Variants in MIR2052HG observed in about 807,000 individuals in gnomAD.
MIR2052HG encodes MIR2052 host gene.
intron 2 of MIR2052HG, among the ~76,000 whole-genome samples, chr8:74,674,136 T>G (rs908332027): frequency 1.9e-4 from 27 of 145,432 alleles, no homozygotes; most frequent in East Asian, 6.2e-4. Flanking sequence ...CCAGAGGTTT[T>G]TGTGTGTGTG....
At chr8:74,716,166 A>G (rs1279179292) in intron 4 of MIR2052HG, among the ~76,000 whole-genome samples, 3 of 152,158 alleles carry the variant, frequency 2.0e-5, no homozygotes, top group African/African-American at 4.8e-5. Flanking sequence ...CCACCTGAAC[A>G]GTGAGGAAGC....
chr8:74,719,099 CGT>C (rs1809549120), intron 4 of MIR2052HG, among the ~76,000 whole-genome samples: 1 of 146,714 alleles, frequency 6.8e-6, no homozygotes, highest in African/African-American at 2.5e-5. Flanking sequence ...TTTCTGTGCA[CGT>C]AGAAAATACT....
At chr8:74,733,143 C>T (rs990669899) in intron 4 of MIR2052HG, among the ~76,000 whole-genome samples, 10 of 151,798 alleles carry the variant, frequency 6.6e-5, no homozygotes. Flanking sequence ...AGGTTAGTTA[C>T]ATATGTATAC....
intron 5 of MIR2052HG, chr8:74,756,837 C>T (rs1383782532): frequency 1.3e-5 from 2 of 152,338 alleles, no homozygotes; most frequent in Middle Eastern, 6.8e-3. Context: ...CCAACCCCAG[C>T]ACCTAGTATA....
chr8:74,654,061 C>A (rs1355181104), intron 2 of MIR2052HG, among the ~76,000 whole-genome samples: 1 of 152,160 alleles, frequency 6.6e-6, no homozygotes. Flanking sequence ...AAATTGTAGA[C>A]ACCCCTACCT....
At chr8:74,602,873 C>CTTTCTTTCTTTCTTTTTT (rs940052573) in intron 1 of MIR2052HG, among the ~76,000 whole-genome samples, 1 of 138,694 alleles carries the variant, frequency 7.2e-6, no homozygotes, top group African/African-American at 2.7e-5. Context: ...TTCTTTCTTT[C>CTTTCTTTCTTTCTTTTTT]TTTTTTCTAT....
At chr8:74,725,369 T>A (rs1467632647) in intron 4 of MIR2052HG, among the ~76,000 whole-genome samples, 1 of 152,196 alleles carries the variant, frequency 6.6e-6, no homozygotes, top group African/African-American at 2.4e-5. Flanking sequence ...TTCTGTAACC[T>A]GCAACCTTGT....
chr8:74,723,372 A>G (rs1042763669), intron 4 of MIR2052HG, among the ~76,000 whole-genome samples: 2 of 152,224 alleles, frequency 1.3e-5, no homozygotes, highest in Non-Finnish European at 2.9e-5. Context: ...ATTACAACAC[A>G]TAAACACCTT....
chr8:74,715,729 T>C (rs948165055), intron 4 of MIR2052HG, among the ~76,000 whole-genome samples: 1 of 152,154 alleles, frequency 6.6e-6, no homozygotes, highest in Non-Finnish European at 1.5e-5. Context: ...CAGGAACAAA[T>C]AGAGCCCCAT....
chr8:74,607,464 T>G (rs569084297), intron 1 of MIR2052HG, among the ~76,000 whole-genome samples: 101 of 152,086 alleles, frequency 6.6e-4, no homozygotes, highest in African/African-American at 2.2e-3. Context: ...ATACAAAAAT[T>G]AGCCGGGCGT....
chr8:74,621,641 C>T (rs1563515075), intron 2 of MIR2052HG, among the ~76,000 whole-genome samples: 1 of 152,130 alleles, frequency 6.6e-6, no homozygotes, highest in African/African-American at 2.4e-5. Context: ...GAAACAGCCA[C>T]AATGATTCAA....
At chr8:74,619,925 A>G (rs911125203) in intron 2 of MIR2052HG, among the ~76,000 whole-genome samples, 2 of 152,202 alleles carry the variant, frequency 1.3e-5, no homozygotes, top group African/African-American at 2.4e-5. Flanking sequence ...CCAAAGTCTC[A>G]TCTGAGACAG....
At chr8:74,707,557 C>A (rs750339227) in intron 4 of MIR2052HG, among the ~76,000 whole-genome samples, 18 of 152,004 alleles carry the variant, frequency 1.2e-4, no homozygotes, top group Non-Finnish European at 2.6e-4. Context: ...TGATAGTATG[C>A]AACTCTTTGT....
chr8:74,670,493 C>G (rs1253338154), intron 2 of MIR2052HG, among the ~76,000 whole-genome samples: 1 of 151,972 alleles, frequency 6.6e-6, no homozygotes, highest in Non-Finnish European at 1.5e-5. Context: ...TACTTGAGAC[C>G]TAAAATAACG....
At chr8:74,661,390 A>G (rs535284238) in intron 2 of MIR2052HG, among the ~76,000 whole-genome samples, 8 of 151,944 alleles carry the variant, frequency 5.3e-5, no homozygotes, top group Non-Finnish European at 8.8e-5. Flanking sequence ...TTTAGTAGAG[A>G]TGGGGTTTCA....
intron 2 of MIR2052HG, among the ~76,000 whole-genome samples, chr8:74,668,510 C>G (rs1273868640): frequency 6.6e-6 from 1 of 152,144 alleles, no homozygotes; most frequent in Non-Finnish European, 1.5e-5. Flanking sequence ...TGTAAGATAT[C>G]ATCTGTGACT....
At chr8:74,703,512 T>A (rs1809378361) in intron 3 of MIR2052HG, 1 of 358,162 alleles carries the variant, frequency 2.8e-6, no homozygotes, top group African/African-American at 2.2e-5. Context: ...AACAGCAGGA[T>A]TTAGGGCAAT....
intron 2 of MIR2052HG, among the ~76,000 whole-genome samples, chr8:74,654,360 A>C (rs775453163): frequency 8.6e-4 from 131 of 152,120 alleles, no homozygotes; most frequent in Non-Finnish European, 1.4e-3. Flanking sequence ...CAAAAGATAC[A>C]TGGGTGTTTC....
At chr8:74,602,839 T>TTCTTTCTTTCTTTCTTTCTTTTC in intron 1 of MIR2052HG, among the ~76,000 whole-genome samples, 1 of 139,468 alleles carries the variant, frequency 7.2e-6, no homozygotes, top group African/African-American at 2.8e-5. Flanking sequence ...CTTTCTTTCT[T>TTCTTTCTTTCTTTCTTTCTTTTC]TCTTTCTTTC....
Sources: allele counts gnomAD v4.1 joint callset (sites outside exome capture counted in the v4.1 genomes callset), GRCh38; gene constraint gnomAD v4.1.1; transcripts MANE v1.5; gene names NCBI Gene and HGNC (gene_info 2026-07-23, HGNC 2026-07-21).